Variants in CLIP1 observed in about 807,000 individuals in gnomAD.
CLIP1 encodes the protein CAP-Gly domain-containing linker protein 1.
CLIP1 carries 66 observed loss-of-function variants against 161.6 expected under a neutral mutation model. The ratio of observed to expected loss-of-function variants is 0.41; its 90% CI spans 0.33 to 0.50. The LOEUF (loss-of-function observed/expected upper bound fraction) is 0.50, where lower values mean the gene tolerates loss of function less well. Among genes scored for constraint, CLIP1 ranks in the 20% least tolerant of loss-of-function variants. CLIP1 has a pLI of 0.27. For synonymous variants in CLIP1, 598 were observed against 626.2 expected, an observed-to-expected ratio of 0.96 and a Z score of 0.67; for missense variants, 1,376 against 1,702.0, an observed-to-expected ratio of 0.81 and a Z score of 3.37.
At position 122,323,599 on chromosome 12, in the gene CLIP1, G is replaced by A. The variant is rs1951600152; in HGVS notation, c.3250-4251C>T. 1 of 152,766 alleles carries A rather than the reference G, an allele frequency of 6.5e-6. No individual in the cohort carries two copies. The highest frequency in any genetic ancestry group is 2.1e-4 in the South Asian group (1 of 4,838). 9.5% of individuals were successfully genotyped at this position (152,766 alleles called of 1,614,324 possible). ...GTTTGACCTGGAGAGCGGCCTGGAGGCTGGCATTCAGCTTTTCCTGATCTT... is the reference window on the plus strand; with the variant it reads ...GTTTGACCTGGAGAGCGGCCTGGAGACTGGCATTCAGCTTTTCCTGATCTT... On this transcript the variant is annotated intron_variant, in intron 17 of 25. Transcript: ENST00000620786. This position sits in a 1 kb window ranked among gnomAD's most constrained non-coding sequence, Gnocchi z 4.1.
At chr12:122,368,709 G>A (rs1208171158) in intron 3 of CLIP1, among the ~76,000 whole-genome samples, 6 of 151,996 alleles carry the variant, frequency 3.9e-5, no homozygotes, top group Non-Finnish European at 8.8e-5. Flanking sequence ...TTGGGAGGCC[G>A]AGGCAGGCAG....
chr12:122,357,506 TG>T (rs201478131), intron 5 of CLIP1, among the ~76,000 whole-genome samples: 140,878 of 141,206 alleles, frequency 1, 70,275 homozygotes, highest in Admixed American at 1. Context: ...AGGAGGGAGG[TG>T]GGGGGGGTCA....
rs1377370941 is a variant in CLIP1 at position 122,319,280 on chromosome 12, CAG to C, written c.3316_3317del (p.Leu1106GlyfsTer16). 1 of 1,614,144 alleles carries C rather than the reference CAG, an allele frequency of 6.2e-7. No individual in the cohort carries two copies. Among genetic ancestry groups the C allele is most frequent in the Non-Finnish European group, 8.5e-7 (1 of 1,179,958 alleles). On this transcript the variant is annotated frameshift_variant, in exon 18 of 26. Coordinates refer to ENST00000620786, the MANE Select transcript of CLIP1 (RefSeq NM_001247997.2). LOFTEE classifies it high-confidence loss of function. ...TTTGCTTGGTGTCCTCCAAGGAGGC[CAG>C]AGTCTCAGTCTTCTCTTTGGTCATC... is the stretch of plus-strand genomic sequence containing the variant. ...EQMTKEKTET[L>X]ASLEDTKQTN...
chr12:122,323,441 AT>A lies in CLIP1; in HGVS notation c.3250-4094del, dbSNP rs1951593061. On this transcript the variant is annotated intron_variant, in intron 17 of 25. Transcript: ENST00000620786. The surrounding 1 kb of genome is among the most constrained non-coding windows in gnomAD (Gnocchi z 4.1). ...GTCCGTGACCGCCCGCCTGGCCTTA[AT>A]TTCCTCCAAGAGCTTCGTGAGGCTT... is the stretch of plus-strand genomic sequence containing the variant. The A allele has an allele frequency of 6.6e-6, 1 of 152,506 alleles. No homozygotes were observed. Among genetic ancestry groups the A allele is most frequent in the African/African-American group, 2.4e-5 (1 of 41,362 alleles). The allele number at this position is 152,506 out of a possible 1,614,324, so 9.4% of individuals were successfully genotyped here.
rs183612782 is a variant in CLIP1 at position 122,352,112 on chromosome 12, C to T, written c.1368+614G>A. 1.4e-3 allele frequency among the ~76,000 whole-genome samples: 204 copies of T among 147,350 alleles called. 1 individual carries two copies. Among genetic ancestry groups the T allele is most frequent in the African/African-American group, 4.9e-3 (196 of 39,956 alleles). The stretch of plus-strand genomic sequence containing the variant: ...TCGACCCATCCCCCAAGCTGGAGTG[C>T]AGTGGCACGATCTCGGCTCACTGCA... On this transcript the variant is annotated intron_variant, in intron 8 of 25. Transcript: ENST00000620786.
chr12:122,294,202 G>A (rs1466528081), intron 20 of CLIP1, among the ~76,000 whole-genome samples: 2 of 151,206 alleles, frequency 1.3e-5, no homozygotes, highest in African/African-American at 2.4e-5. Flanking sequence ...GGTGGTGGGT[G>A]CCTGTAGTCC....
At chr12:122,415,589 C>T (rs1055668219) in intron 1 of CLIP1, among the ~76,000 whole-genome samples, 1 of 151,698 alleles carries the variant, frequency 6.6e-6, no homozygotes, top group African/African-American at 2.4e-5. Context: ...GAGGCCAAGG[C>T]GGGTGGATCA....
Position 122,328,430 on chromosome 12 carries a change from G to A in CLIP1, c.2868-4C>T. On this transcript the variant is annotated splice_region_variant and splice_polypyrimidine_tract_variant and intron_variant, in intron 15 of 25. Transcript: ENST00000620786. ...TAGCTGTAATTCTTCTACATCTCTA[G>A]AAAAAGTTTCAATATAAGGTGTCAG... 1 of 1,553,812 alleles carries A rather than the reference G, an allele frequency of 6.4e-7. No homozygotes were observed. The highest frequency in any genetic ancestry group is 8.7e-7 in the Non-Finnish European group (1 of 1,152,956).
At chr12:122,330,821 T>A (rs1951923244) in intron 15 of CLIP1, among the ~76,000 whole-genome samples, 1 of 151,880 alleles carries the variant, frequency 6.6e-6, no homozygotes. Context: ...CAGGCTGTTC[T>A]TGAACTCCTG....
At chr12:122,332,809 A>G (rs1339585011) in intron 15 of CLIP1, among the ~76,000 whole-genome samples, 178 bp downstream of exon 15, 3 of 152,202 alleles carry the variant, frequency 2.0e-5, no homozygotes, top group Non-Finnish European at 4.4e-5. Context: ...AAGATAGGTA[A>G]AATCCATTTT....
At chr12:122,287,172 T>C (rs1186701529) in intron 21 of CLIP1, among the ~76,000 whole-genome samples, 1 of 151,844 alleles carries the variant, frequency 6.6e-6, no homozygotes, top group Non-Finnish European at 1.5e-5. Flanking sequence ...AGATCATGTC[T>C]GAAAAAAATA....
chr12:122,314,452 C>G (rs897912241), intron 19 of CLIP1, among the ~76,000 whole-genome samples: 5 of 152,150 alleles, frequency 3.3e-5, no homozygotes, highest in Non-Finnish European at 7.4e-5. Context: ...GTCTGGGGAA[C>G]AGAGACTCTG....
intron 1 of CLIP1, among the ~76,000 whole-genome samples, chr12:122,417,573 C>A (rs1469650210): frequency 1.4e-5 from 2 of 140,732 alleles, no homozygotes; most frequent in African/African-American, 5.2e-5. Context: ...AGTGCAGTGG[C>A]GAGATCTCCG....
At chr12:122,290,465 T>C (rs1226567679) in intron 20 of CLIP1, among the ~76,000 whole-genome samples, 3 of 152,226 alleles carry the variant, frequency 2.0e-5, no homozygotes, top group African/African-American at 7.2e-5. Context: ...GTTTTCATTT[T>C]GGTCTTTATG....
chr12:122,384,647 G>A (rs1955157766), intron 1 of CLIP1, among the ~76,000 whole-genome samples: 1 of 151,914 alleles, frequency 6.6e-6, no homozygotes, highest in African/African-American at 2.4e-5. Context: ...TGTAATCCCA[G>A]CTACTCAGGA....
chr12:122,412,632 G>C (rs375984724), intron 1 of CLIP1, among the ~76,000 whole-genome samples: 1 of 151,956 alleles, frequency 6.6e-6, no homozygotes, highest in African/African-American at 2.4e-5. Flanking sequence ...TCCAGCCTGG[G>C]TGACAGAGCG....
At chr12:122,290,719 C>T (rs1956065535) in intron 20 of CLIP1, among the ~76,000 whole-genome samples, 1 of 152,064 alleles carries the variant, frequency 6.6e-6, no homozygotes, top group Non-Finnish European at 1.5e-5. Context: ...GGTCCATGTG[C>T]CTGAATTTCC....
At chr12:122,415,290 G>A (rs1428655229) in intron 1 of CLIP1, among the ~76,000 whole-genome samples, 5 of 149,812 alleles carry the variant, frequency 3.3e-5, no homozygotes, top group Non-Finnish European at 7.4e-5. Flanking sequence ...GACCATCCTG[G>A]CCAACACAGT....
intron 19 of CLIP1, among the ~76,000 whole-genome samples, chr12:122,314,804 T>C (rs929397175): frequency 6.6e-6 from 1 of 152,190 alleles, no homozygotes; most frequent in Non-Finnish European, 1.5e-5. Flanking sequence ...CCTGAATGAA[T>C]AGAACTAAAC....
Sources: allele counts gnomAD v4.1 joint callset (sites outside exome capture counted in the v4.1 genomes callset), GRCh38; gene constraint gnomAD v4.1.1; non-coding constraint Gnocchi (gnomAD v3.1); transcripts MANE v1.5; gene names NCBI Gene and HGNC (gene_info 2026-07-23, HGNC 2026-07-21).